The following SEZ6L variants were observed in gnomAD, a reference collection of about 807,000 sequenced individuals.
SEZ6L encodes seizure related 6 homolog like.
SEZ6L carries 37 observed loss-of-function variants against 106.2 expected under a neutral mutation model. That is an observed-to-expected ratio of 0.35 (90% CI 0.27 to 0.46). The LOEUF (loss-of-function observed/expected upper bound fraction) is 0.46, where lower values mean the gene tolerates loss of function less well. Among genes scored for constraint, SEZ6L ranks in the 20% least tolerant of loss-of-function variants. The pLI is 1.00. For synonymous variants in SEZ6L, 541 were observed against 570.4 expected, an observed-to-expected ratio of 0.95 and a Z score of 0.73; for missense variants, 1,172 against 1,332.8, an observed-to-expected ratio of 0.88 and a Z score of 1.88.
chr22:26,285,004 T>G (rs543843871), intron 1 of SEZ6L, among the ~76,000 whole-genome samples: 21 of 152,236 alleles, frequency 1.4e-4, no homozygotes, highest in Non-Finnish European at 2.8e-4. Context: ...ATGAACTCTA[T>G]GGAGTATAAA....
intron 1 of SEZ6L, among the ~76,000 whole-genome samples, chr22:26,245,014 C>T (rs773097049): frequency 1.1e-4 from 17 of 152,248 alleles, no homozygotes; most frequent in Non-Finnish European, 1.5e-4. Flanking sequence ...TTGGGCAGCA[C>T]GCAAGGATGG....
chr22:26,351,350 G>T, intron 12 of SEZ6L, 107 bp downstream of exon 12: 1 of 942,506 alleles, frequency 1.1e-6, no homozygotes, highest in South Asian at 1.6e-5. Context: ...CTTTTCGACA[G>T]GGGCTTTTAT....
At chr22:26,218,978 A>T (rs1286424630) in intron 1 of SEZ6L, among the ~76,000 whole-genome samples, 1 of 152,164 alleles carries the variant, frequency 6.6e-6, no homozygotes, top group Non-Finnish European at 1.5e-5. Context: ...AAAAAAGAAA[A>T]AAGTAAAGTA....
intron 14 of SEZ6L, 68 bp from the exon 15 acceptor site, chr22:26,375,507 G>A: frequency 1.6e-6 from 2 of 1,281,318 alleles, no homozygotes; most frequent in Non-Finnish European, 2.3e-6. Context: ...GTGGAGAACT[G>A]GGCAGTTGGG....
chr22:26,176,976 A>T (rs996239682), intron 1 of SEZ6L, among the ~76,000 whole-genome samples: 15 of 152,180 alleles, frequency 9.9e-5, no homozygotes, highest in African/African-American at 2.9e-4. Context: ...CCCTCCCCCT[A>T]AACAATGAAC....
intron 9 of SEZ6L, among the ~76,000 whole-genome samples, chr22:26,320,516 G>T (rs1322484161): frequency 6.6e-6 from 1 of 152,184 alleles, no homozygotes; most frequent in Admixed American, 6.5e-5. Context: ...TGTCATTTTT[G>T]TCACTGAGCA....
At chr22:26,282,604 T>A (rs1191750124) in intron 1 of SEZ6L, among the ~76,000 whole-genome samples, 1 of 152,046 alleles carries the variant, frequency 6.6e-6, no homozygotes, top group South Asian at 2.1e-4. Flanking sequence ...GTGAGGCAGG[T>A]GAAAGGTTGG....
At chr22:26,254,063 C>G (rs985578243) in intron 1 of SEZ6L, 4 of 152,192 alleles carry the variant, frequency 2.6e-5, no homozygotes, top group Non-Finnish European at 5.9e-5. Context: ...CTTGAGGGAC[C>G]ACATTACACC....
intron 12 of SEZ6L, among the ~76,000 whole-genome samples, chr22:26,358,168 G>T (rs2083498371): frequency 6.6e-6 from 1 of 152,196 alleles, no homozygotes; most frequent in South Asian, 2.1e-4. Context: ...AGAAATCTCT[G>T]TCTCTGGGAA....
At chr22:26,327,132 CA>C (rs2082330393) in intron 9 of SEZ6L, among the ~76,000 whole-genome samples, 1 of 152,038 alleles carries the variant, frequency 6.6e-6, no homozygotes, top group South Asian at 2.1e-4. Flanking sequence ...GAAGCTCTGT[CA>C]ACTCTTCCTC....
Position 26,381,783 on chromosome 22 carries a change from C to T in SEZ6L, c.*1488C>T, listed in dbSNP as rs1001739072. Reference sequence around the variant, plus strand: ...TGAAGCAGATTCACCTTCCTGGGACCGGTGACATGGTGGTGACAGTCAATG... The same window carrying T: ...TGAAGCAGATTCACCTTCCTGGGACTGGTGACATGGTGGTGACAGTCAATG... On this transcript the variant is annotated 3_prime_UTR_variant, in exon 17 of 17. Coordinates refer to ENST00000248933, the MANE Select transcript of SEZ6L (RefSeq NM_021115.5). 9 of 290,010 alleles carry T rather than the reference C, an allele frequency of 3.1e-5. No individual in the cohort carries two copies. Among genetic ancestry groups the T allele is most frequent in the South Asian group, 1.0e-4 (3 of 29,950 alleles). The allele number at this position is 290,010 out of a possible 1,614,324, so 18.0% of individuals were successfully genotyped here.
At chr22:26,171,307 C>G (rs750341986) in intron 1 of SEZ6L, among the ~76,000 whole-genome samples, 1 of 151,964 alleles carries the variant, frequency 6.6e-6, no homozygotes, top group African/African-American at 2.4e-5. Flanking sequence ...ACAGCATGGC[C>G]TTTCTTAATT....
chr22:26,288,925 C>A (rs73158605), intron 1 of SEZ6L, among the ~76,000 whole-genome samples: 6,417 of 151,546 alleles, frequency 0.042, 137 homozygotes, highest in Middle Eastern at 0.068. Flanking sequence ...CAAAAAAAAA[C>A]CCCCAACATC....
intron 1 of SEZ6L, among the ~76,000 whole-genome samples, chr22:26,212,032 A>G (rs2078175739): frequency 6.6e-6 from 1 of 152,090 alleles, no homozygotes; most frequent in Admixed American, 6.5e-5. Flanking sequence ...GTGAAATAAT[A>G]AAATGTGACG....
chr22:26,176,357 A>G (rs567925790), intron 1 of SEZ6L, among the ~76,000 whole-genome samples: 1 of 152,380 alleles, frequency 6.6e-6, no homozygotes, highest in South Asian at 2.1e-4. Context: ...CTGGAGATCA[A>G]GGTGGTTTGA....
At chr22:26,232,886 A>C (rs2145749871) in intron 1 of SEZ6L, among the ~76,000 whole-genome samples, 1 of 152,334 alleles carries the variant, frequency 6.6e-6, no homozygotes, top group East Asian at 1.9e-4. Context: ...CGATGTCAGA[A>C]AGTGGTCTGG....
At chr22:26,366,442 C>T (rs1269268864) in intron 13 of SEZ6L, among the ~76,000 whole-genome samples, 1 of 152,076 alleles carries the variant, frequency 6.6e-6, no homozygotes, top group Non-Finnish European at 1.5e-5. Flanking sequence ...ACCTGTAATC[C>T]TAGCATTTTG....
chr22:26,337,992 C>T (rs1311168499), intron 9 of SEZ6L, among the ~76,000 whole-genome samples: 2 of 152,162 alleles, frequency 1.3e-5, no homozygotes, highest in African/African-American at 4.8e-5. Context: ...GAAACACCAA[C>T]ATGGGTAGTT....
intron 9 of SEZ6L, among the ~76,000 whole-genome samples, chr22:26,330,988 T>G (rs607989): frequency 5.3e-5 from 8 of 152,108 alleles, no homozygotes; most frequent in East Asian, 1.9e-4. Context: ...AAGGGTCAAA[T>G]GTTTGTTTAG....
Sources: gnomAD v4.1 joint callset for allele counts (sites outside exome capture counted in the v4.1 genomes callset) on GRCh38, gnomAD v4.1.1 for gene constraint, MANE v1.5 for transcripts, NCBI Gene and HGNC (gene_info 2026-07-23, HGNC 2026-07-21) for gene names.